The following ZNF568 variants were observed in gnomAD, a reference collection of about 807,000 sequenced individuals.
The protein encoded by ZNF568 is zinc finger protein 568.
ZNF568 carries 11 observed loss-of-function variants against 18.1 expected under a neutral mutation model. That is an observed-to-expected ratio of 0.61 (90% CI 0.38 to 1.00). ZNF568 has a LOEUF of 1.00. Among genes scored for constraint, ZNF568 ranks in the 50% least tolerant of loss-of-function variants. The pLI is 0.01. For synonymous variants in ZNF568, 213 were observed against 246.6 expected, an observed-to-expected ratio of 0.86 and a Z score of 1.28; for missense variants, 639 against 768.2, an observed-to-expected ratio of 0.83 and a Z score of 1.99.
chr19:36,981,267 A>G (rs2074329092), downstream of ZNF568, among the ~76,000 whole-genome samples: 1 of 152,190 alleles, frequency 6.6e-6, no homozygotes, highest in Admixed American at 6.5e-5. Context: ...ACATGCCTCT[A>G]CTATGGTCCT....
intron 2 of ZNF568, among the ~76,000 whole-genome samples, chr19:36,988,977 C>T (rs148721352): frequency 3.3e-5 from 5 of 152,316 alleles, no homozygotes; most frequent in African/African-American, 1.2e-4. Context: ...TTTGTACCCA[C>T]TGACCAACCT....
intron 6 of ZNF568, among the ~76,000 whole-genome samples, chr19:36,957,978 GT>G (rs2074120391): frequency 1.3e-5 from 2 of 152,254 alleles, no homozygotes; most frequent in African/African-American, 2.4e-5. Context: ...TGTTTTTATT[GT>G]GATTGGGTGT....
intron 6 of ZNF568, among the ~76,000 whole-genome samples, chr19:36,942,930 A>G (rs1356773322): frequency 6.6e-6 from 1 of 152,140 alleles, no homozygotes; most frequent in Non-Finnish European, 1.5e-5. Context: ...GTTTATTTGA[A>G]TCAGGATCCA....
intron 6 of ZNF568, among the ~76,000 whole-genome samples, chr19:36,944,019 C>T (rs952956300): frequency 6.6e-6 from 1 of 151,992 alleles, no homozygotes; most frequent in Non-Finnish European, 1.5e-5. Flanking sequence ...AGACTGCAGT[C>T]TGAGGATTAT....
At chr19:36,970,619 G>A (rs768137152) in intron 6 of ZNF568, among the ~76,000 whole-genome samples, 2 of 152,068 alleles carry the variant, frequency 1.3e-5, no homozygotes, top group South Asian at 2.1e-4. Flanking sequence ...TTACAGGTAT[G>A]AGCCACCATG....
chr19:36,974,279 G>A (rs2146334874), intron 6 of ZNF568: 1 of 663,902 alleles, frequency 1.5e-6, no homozygotes, highest in Non-Finnish European at 2.5e-6. Context: ...ATTTCTTTGT[G>A]AGGATGACAG....
intron 6 of ZNF568, among the ~76,000 whole-genome samples, chr19:36,948,967 T>C (rs1436755118): frequency 6.6e-6 from 1 of 152,178 alleles, no homozygotes; most frequent in Non-Finnish European, 1.5e-5. Context: ...TGATACTTTG[T>C]AGCTTTGCTA....
intron 6 of ZNF568, among the ~76,000 whole-genome samples, chr19:36,937,842 T>C (rs1259934531): frequency 6.6e-6 from 1 of 152,166 alleles, no homozygotes; most frequent in East Asian, 1.9e-4. Flanking sequence ...TGAAACTACA[T>C]GAGGTCCATC....
At chr19:36,997,616 C>A, downstream of ZNF568, 3 of 1,530,644 alleles carry the variant, frequency 2.0e-6, no homozygotes, top group South Asian at 2.4e-5. Flanking sequence ...AAAATTCATA[C>A]TGGTGAGAAA....
intron 4 of ZNF568, among the ~76,000 whole-genome samples, chr19:36,936,287 A>G (rs1201132421): frequency 6.6e-6 from 1 of 152,192 alleles, no homozygotes; most frequent in Non-Finnish European, 1.5e-5. Context: ...ACCCATTATT[A>G]TAATTACTAC....
In ZNF568 at chr19:36,949,668, G is replaced by GACTTCTTTGTTACT; in HGVS notation, c.517_518insTTCTTTGTTACTAC (p.Gln173LeufsTer22). 2 of 1,613,828 alleles carry GACTTCTTTGTTACT rather than the reference G, an allele frequency of 1.2e-6. No homozygotes were observed. The highest frequency in any genetic ancestry group is 1.7e-6 in the Non-Finnish European group (2 of 1,179,852). On this transcript the variant is annotated frameshift_variant, in exon 7 of 7. Coordinates refer to ENST00000333987, the MANE Select transcript of ZNF568 (RefSeq NM_198539.4). LOFTEE classifies it low-confidence loss of function (END_TRUNC). ...CTGAGTTCAGACATTGTTACTTCAA[G>GACTTCTTTGTTACT]ACAAAGCTTCTATGACTGTGACTCA...
intron 6 of ZNF568, among the ~76,000 whole-genome samples, chr19:36,967,571 C>T (rs2074203468): frequency 6.6e-6 from 1 of 152,058 alleles, no homozygotes; most frequent in Non-Finnish European, 1.5e-5. Flanking sequence ...TCAAAAAAAA[C>T]AAAACAAACA....
chr19:36,927,839 GAT>G (rs1461096521), intron 4 of ZNF568, among the ~76,000 whole-genome samples: 19 of 88,388 alleles, frequency 2.1e-4, no homozygotes, highest in African/African-American at 5.6e-4. Context: ...TATATATAAA[GAT>G]ATATGTGTGT....
exon 5 of ZNF568, chr19:36,996,416 T>C: frequency 6.5e-7 from 1 of 1,536,294 alleles, no homozygotes; most frequent in Non-Finnish European, 8.7e-7. Context: ...ATCAGAGAAA[T>C]CAGATGCCAG....
intron 4 of ZNF568, among the ~76,000 whole-genome samples, chr19:36,933,924 G>GTTTTT (rs140279289): frequency 5.4e-4 from 16 of 29,872 alleles, no homozygotes; most frequent in Non-Finnish European, 6.8e-4. Context: ...TTGTTTTTTT[G>GTTTTT]TTTTTTTTTT....
intron 2 of ZNF568, among the ~76,000 whole-genome samples, chr19:36,986,914 GGTTGC>G: frequency 6.6e-6 from 1 of 152,252 alleles, no homozygotes; most frequent in South Asian, 2.1e-4. Context: ...GAAATTCCCA[GGTTGC>G]ATCTACAAGA....
chr19:36,956,421 G>T (rs2074107682), downstream of ZNF568, among the ~76,000 whole-genome samples: 1 of 152,120 alleles, frequency 6.6e-6, no homozygotes, highest in Non-Finnish European at 1.5e-5. Context: ...AACTGCATCA[G>T]TTTAATTTCT....
intron 6 of ZNF568, among the ~76,000 whole-genome samples, chr19:36,961,354 G>T (rs1600832371): frequency 7.0e-6 from 1 of 143,622 alleles, no homozygotes; most frequent in Non-Finnish European, 1.5e-5. Flanking sequence ...GCTCACTTTT[G>T]GTTTCCATTT....
chr19:36,937,289 T>C, intron 6 of ZNF568, 47 bp downstream of exon 6: 1 of 1,519,240 alleles, frequency 6.6e-7, no homozygotes, highest in Non-Finnish European at 9.1e-7. Context: ...ACATGAGAGT[T>C]GTTCAGTGAA....
Sources: allele counts gnomAD v4.1 joint callset (sites outside exome capture counted in the v4.1 genomes callset), GRCh38; gene constraint gnomAD v4.1.1; transcripts MANE v1.5; gene names NCBI Gene and HGNC (gene_info 2026-07-23, HGNC 2026-07-21).